The following SH3RF3 variants were observed in gnomAD, a reference collection of about 807,000 sequenced individuals.
SH3RF3 encodes SH3 domain containing ring finger 3.
Under a neutral mutation model 66.3 loss-of-function variants are expected in SH3RF3, and 29 were observed. That is an observed-to-expected ratio of 0.44 (90% CI 0.33 to 0.60). The LOEUF is 0.60. SH3RF3 is among the 20% of genes least tolerant of loss of function. The pLI, the probability that SH3RF3 is intolerant of heterozygous loss-of-function variation, is 0.04. For synonymous variants in SH3RF3, 583 were observed against 532.0 expected, an observed-to-expected ratio of 1.10 and a Z score of -1.32; for missense variants, 1,194 against 1,190.9, an observed-to-expected ratio of 1.00 and a Z score of -0.04.
intron 1 of SH3RF3, among the ~76,000 whole-genome samples, chr2:109,249,532 T>TCTTTCTTTCTTTCC (rs1680019241): frequency 2.1e-5 from 2 of 96,450 alleles, no homozygotes; most frequent in Admixed American, 1.1e-4. Flanking sequence ...TCTTTCTTTC[T>TCTTTCTTTCTTTCC]TTCCTTCCTT....
intron 2 of SH3RF3, among the ~76,000 whole-genome samples, chr2:109,358,911 T>G (rs1292173259): frequency 6.6e-6 from 1 of 152,202 alleles, no homozygotes; most frequent in Non-Finnish European, 1.5e-5. Flanking sequence ...AGTTTTGTAG[T>G]TTTATATTTT....
chr2:109,413,394 G>A (rs1408936180), intron 4 of SH3RF3, among the ~76,000 whole-genome samples: 5 of 152,156 alleles, frequency 3.3e-5, no homozygotes, highest in Non-Finnish European at 7.3e-5. Context: ...GATTACAGGC[G>A]TGAGCCACCA....
intron 1 of SH3RF3, among the ~76,000 whole-genome samples, chr2:109,143,772 AAAC>A: frequency 6.6e-6 from 1 of 150,452 alleles, no homozygotes; most frequent in East Asian, 1.9e-4. Context: ...CAAAACAAAC[AAAC>A]AAACAAACAA....
At chr2:109,484,549 C>G (rs553410309) in intron 8 of SH3RF3, among the ~76,000 whole-genome samples, 2 of 152,304 alleles carry the variant, frequency 1.3e-5, no homozygotes, top group Admixed American at 6.5e-5. Context: ...GGCCCGCCCC[C>G]TCCTGTGGAG....
chr2:109,240,931 A>G (rs1438523735), intron 1 of SH3RF3, among the ~76,000 whole-genome samples: 1 of 137,606 alleles, frequency 7.3e-6, no homozygotes, highest in Non-Finnish European at 1.5e-5. Flanking sequence ...CTCATGTTCC[A>G]TCTTCTTTCT....
At chr2:109,161,717 A>G (rs1677494480) in intron 1 of SH3RF3, among the ~76,000 whole-genome samples, 1 of 151,906 alleles carries the variant, frequency 6.6e-6, no homozygotes, top group Non-Finnish European at 1.5e-5. Flanking sequence ...CGGGAGCAGG[A>G]CATGCCAGGC....
intron 7 of SH3RF3, among the ~76,000 whole-genome samples, chr2:109,446,978 G>A (rs1026031514): frequency 1.3e-4 from 20 of 151,812 alleles, no homozygotes; most frequent in African/African-American, 3.9e-4. Flanking sequence ...GGGGAGAGAC[G>A]AATAAATCTC....
chr2:109,429,774 G>A (rs1347607452), intron 5 of SH3RF3, among the ~76,000 whole-genome samples: 2 of 152,214 alleles, frequency 1.3e-5, no homozygotes, highest in Non-Finnish European at 2.9e-5. Context: ...GTGCAAGAAG[G>A]CCACAGACAG....
intron 2 of SH3RF3, among the ~76,000 whole-genome samples, chr2:109,357,208 G>T (rs1227335548): frequency 4.6e-5 from 7 of 151,036 alleles, no homozygotes; most frequent in Non-Finnish European, 8.8e-5. Flanking sequence ...TTGAGACGGA[G>T]TCTTACTCTG....
Position 109,431,224 on chromosome 2 carries a change from G to T in SH3RF3, c.1404-1277G>T, listed in dbSNP as rs575633239. On this transcript the variant is annotated intron_variant, in intron 5 of 9. Transcript: ENST00000309415. ...CAGAGATGCACTGTGTGCACAAGCC[G>T]CTGGATAGGGTCAGCATCCCCACCC... Among the ~76,000 whole-genome samples, 23 of 152,314 alleles carry T rather than the reference G, an allele frequency of 1.5e-4. No homozygotes were observed. The East Asian group carries it at 2.1e-3, about 14-fold the overall frequency.
chr2:109,377,106 G>A (rs1683406453), intron 3 of SH3RF3, among the ~76,000 whole-genome samples: 1 of 152,248 alleles, frequency 6.6e-6, no homozygotes, highest in African/African-American at 2.4e-5. Context: ...GGGAGGTCTA[G>A]AATTCAATCA....
At chr2:109,418,795 AG>A (rs1676793647) in intron 4 of SH3RF3, among the ~76,000 whole-genome samples, 2 of 152,178 alleles carry the variant, frequency 1.3e-5, no homozygotes, top group Non-Finnish European at 2.9e-5. Flanking sequence ...ACACTGTCCT[AG>A]GGAAGGCCAG....
intron 3 of SH3RF3, among the ~76,000 whole-genome samples, chr2:109,374,783 G>A (rs1051601940): frequency 3.3e-5 from 5 of 152,222 alleles, no homozygotes; most frequent in Admixed American, 6.5e-5. Flanking sequence ...TCTACCCAGC[G>A]CACAGCTGCC....
At chr2:109,312,002 G>A (rs543213172) in intron 1 of SH3RF3, among the ~76,000 whole-genome samples, 1 of 151,052 alleles carries the variant, frequency 6.6e-6, no homozygotes, top group East Asian at 1.9e-4. Context: ...TGCTGCTGGT[G>A]CTGTCCAGTT....
chr2:109,201,116 C>G (rs1047911942), intron 1 of SH3RF3, among the ~76,000 whole-genome samples: 2 of 152,226 alleles, frequency 1.3e-5, no homozygotes, highest in Admixed American at 6.5e-5. Context: ...CAGCACAGAC[C>G]TTATTTTATA....
intron 1 of SH3RF3, among the ~76,000 whole-genome samples, chr2:109,262,827 TTC>T (rs1055788163): frequency 1.3e-5 from 2 of 152,096 alleles, no homozygotes; most frequent in Non-Finnish European, 2.9e-5. Flanking sequence ...ATACAAGACT[TTC>T]TTTTTTCTTT....
At chr2:109,142,048 G>GA (rs987572788) in intron 1 of SH3RF3, among the ~76,000 whole-genome samples, 2 of 151,526 alleles carry the variant, frequency 1.3e-5, no homozygotes, top group African/African-American at 4.9e-5. Flanking sequence ...TCTCCTGGGG[G>GA]GGGGGTCTCA....
chr2:109,148,144 A>G (rs1677141785), intron 1 of SH3RF3, among the ~76,000 whole-genome samples: 1 of 152,158 alleles, frequency 6.6e-6, no homozygotes, highest in African/African-American at 2.4e-5. Context: ...GGTCTCATGC[A>G]CCCAGTATGC....
At chr2:109,143,494 G>T (rs1156438114) in intron 1 of SH3RF3, among the ~76,000 whole-genome samples, 1 of 152,132 alleles carries the variant, frequency 6.6e-6, no homozygotes, top group East Asian at 1.9e-4. Context: ...TGTAATCTCA[G>T]AACTTTAGGA....
Sources: allele counts gnomAD v4.1 joint callset (sites outside exome capture counted in the v4.1 genomes callset), GRCh38; gene constraint gnomAD v4.1.1; transcripts MANE v1.5; gene names NCBI Gene and HGNC (gene_info 2026-07-23, HGNC 2026-07-21).